Variants in ADAMTS17 observed in about 807,000 individuals in gnomAD.
ADAMTS17 encodes the protein A disintegrin and metalloproteinase with thrombospondin motifs 17.
Under a neutral mutation model 141.5 loss-of-function variants are expected in ADAMTS17, and 113 were observed. The observed-to-expected ratio is 0.80, with a 90% CI of 0.69 to 0.93. The LOEUF is 0.93. Ranked by LOEUF, ADAMTS17 falls within the 40% of genes least tolerant of loss-of-function variation. ADAMTS17 has a pLI of 0.00. For synonymous variants in ADAMTS17, 768 were observed against 630.6 expected (o/e 1.22, Z -3.27); for missense variants, 1,659 against 1,517.9 (o/e 1.09, Z -1.54).
chr15:100,331,614 G>A (rs2046056236), intron 2 of ADAMTS17, among the ~76,000 whole-genome samples: 1 of 152,128 alleles, frequency 6.6e-6, no homozygotes, highest in Non-Finnish European at 1.5e-5. Flanking sequence ...GCAGGGCCAG[G>A]GGAGGACCTG....
chr15:100,306,420 T>C (rs186041367), intron 3 of ADAMTS17: 22 of 453,938 alleles, frequency 4.8e-5, no homozygotes, highest in Admixed American at 4.0e-4. Context: ...CACCAAGGTA[T>C]GGACGCCAAG....
At chr15:100,334,946 A>G (rs1352163765) in intron 2 of ADAMTS17, among the ~76,000 whole-genome samples, 1 of 151,200 alleles carries the variant, frequency 6.6e-6, no homozygotes, top group East Asian at 1.9e-4. Flanking sequence ...GAGCCTGGTC[A>G]CCTCCCTGCT....
chr15:99,991,702 AC>A (rs1439465044), intron 20 of ADAMTS17, among the ~76,000 whole-genome samples: 1 of 152,204 alleles, frequency 6.6e-6, no homozygotes, highest in Non-Finnish European at 1.5e-5. Context: ...AAACCATTCC[AC>A]TATAAAGACA....
At chr15:100,212,593 C>G (rs1478526824) in intron 7 of ADAMTS17, among the ~76,000 whole-genome samples, 1 of 151,712 alleles carries the variant, frequency 6.6e-6, no homozygotes, top group East Asian at 1.9e-4. Context: ...CAAAGACATT[C>G]CCTAGGAAAA....
chr15:100,135,102 A>C (rs1236347713), intron 10 of ADAMTS17, among the ~76,000 whole-genome samples: 1 of 152,140 alleles, frequency 6.6e-6, no homozygotes, highest in Non-Finnish European at 1.5e-5. Flanking sequence ...CCATCAGGAG[A>C]AAGAGGAAGA....
chr15:100,279,767 G>C (rs559390019), intron 4 of ADAMTS17, among the ~76,000 whole-genome samples: 1 of 152,264 alleles, frequency 6.6e-6, no homozygotes, highest in East Asian at 1.9e-4. Flanking sequence ...CACCTGACTA[G>C]GCTTCTCTCT....
intron 14 of ADAMTS17, among the ~76,000 whole-genome samples, chr15:100,106,228 C>T: frequency 6.6e-6 from 1 of 152,186 alleles, no homozygotes; most frequent in South Asian, 2.1e-4. Flanking sequence ...AGTGGGCCTT[C>T]ACCAGAACCC....
At chr15:100,059,280 G>A (rs1234171699) in intron 15 of ADAMTS17, among the ~76,000 whole-genome samples, 1 of 152,220 alleles carries the variant, frequency 6.6e-6, no homozygotes, top group African/African-American at 2.4e-5. Flanking sequence ...CACTGCCTGT[G>A]GCCATCGCCG....
intron 18 of ADAMTS17, among the ~76,000 whole-genome samples, chr15:100,021,030 T>C (rs893108529): frequency 1.3e-5 from 2 of 152,184 alleles, no homozygotes; most frequent in Admixed American, 1.3e-4. Context: ...CTTTCCTTGG[T>C]TCAGTCTGTG....
chr15:100,009,804 C>T (rs558667807), intron 18 of ADAMTS17, among the ~76,000 whole-genome samples: 1 of 152,256 alleles, frequency 6.6e-6, no homozygotes, highest in African/African-American at 2.4e-5. Context: ...TAACTTTCAA[C>T]AGATTTACAT....
intron 18 of ADAMTS17, among the ~76,000 whole-genome samples, chr15:100,015,279 G>T (rs2061265620): frequency 6.6e-6 from 1 of 152,142 alleles, no homozygotes; most frequent in Non-Finnish European, 1.5e-5. Flanking sequence ...TGGTTGGTTG[G>T]TGAGTTCTTA....
chr15:100,065,316 C>A (rs1406141835), intron 15 of ADAMTS17, among the ~76,000 whole-genome samples: 4 of 151,958 alleles, frequency 2.6e-5, no homozygotes, highest in African/African-American at 9.7e-5. Flanking sequence ...ATTAGTTTTG[C>A]TAGGTAATGT....
chr15:100,032,946 C>T (rs749367761), intron 18 of ADAMTS17, among the ~76,000 whole-genome samples: 25 of 152,184 alleles, frequency 1.6e-4, no homozygotes, highest in Non-Finnish European at 3.4e-4. Flanking sequence ...TCCCAAAGAG[C>T]TTTGCCTTTC....
intron 14 of ADAMTS17, among the ~76,000 whole-genome samples, chr15:100,099,261 G>C (rs981735496): frequency 3.9e-5 from 6 of 152,298 alleles, no homozygotes; most frequent in African/African-American, 1.4e-4. Context: ...AGGGAATGCA[G>C]GGCTGTCCAT....
intron 14 of ADAMTS17, among the ~76,000 whole-genome samples, chr15:100,102,091 GT>G (rs2036134826): frequency 6.6e-6 from 1 of 152,178 alleles, no homozygotes; most frequent in Non-Finnish European, 1.5e-5. Flanking sequence ...CTCAAAATTA[GT>G]TTCCCTGCAT....
intron 10 of ADAMTS17, among the ~76,000 whole-genome samples, chr15:100,137,118 C>T (rs1357931213): frequency 6.6e-6 from 1 of 152,184 alleles, no homozygotes. Flanking sequence ...CAGGACGACC[C>T]TTGGCCAACT....
At position 99,973,271 on chromosome 15, in the gene ADAMTS17, C is replaced by CG. The variant is rs1323524065; in HGVS notation, c.*1130dup. ...CAAAGTCTGGGGCTACAGGAAGGCT[C>CG]GGCGGGTGTGCAGCAGTGCCAGCCA... is the stretch of plus-strand genomic sequence containing the variant. On this transcript the variant is annotated 3_prime_UTR_variant, in exon 22 of 22. Transcript: ENST00000268070. 1.3e-5 allele frequency: 2 copies of CG among 152,252 alleles called. No homozygotes were observed. Among genetic ancestry groups the CG allele is most frequent in the African/African-American group, 4.8e-5 (2 of 41,422 alleles). 9.4% of individuals were successfully genotyped at this position (152,252 alleles called of 1,614,324 possible).
intron 13 of ADAMTS17, among the ~76,000 whole-genome samples, chr15:100,110,340 A>G (rs1163479518): frequency 3.3e-5 from 5 of 150,854 alleles, no homozygotes; most frequent in South Asian, 2.1e-4. Context: ...TCTCAGCTCA[A>G]TGCAAACTCC....
Position 100,304,982 on chromosome 15 carries a change from AC to A in ADAMTS17, c.617-23582del, listed in dbSNP as rs572012419. On this transcript the variant is annotated intron_variant, in intron 3 of 21. Transcript: ENST00000268070. The stretch of plus-strand genomic sequence containing the variant: ...AGTAACATTTTCTTTTCTCTAGCTT[AC>A]TATATTGAAAGAATACAGTATACAA... 3.2e-3 allele frequency among the ~76,000 whole-genome samples: 494 copies of A among 152,322 alleles called. 6 individuals are homozygous for A. Among genetic ancestry groups the A allele is most frequent in the Non-Finnish European group, 4.7e-3 (323 of 68,020 alleles).
Sources: gnomAD v4.1 joint callset for allele counts (sites outside exome capture counted in the v4.1 genomes callset) on GRCh38, gnomAD v4.1.1 for gene constraint, MANE v1.5 for transcripts, NCBI Gene and HGNC (gene_info 2026-07-23, HGNC 2026-07-21) for gene names.